The following ATP8A1 variants were observed in gnomAD, a reference collection of about 807,000 sequenced individuals.
ATP8A1 encodes the protein ATPase phospholipid transporting 8A1.
ATP8A1 carries 90 observed loss-of-function variants against 177.7 expected under a neutral mutation model. That is an observed-to-expected ratio of 0.51 (90% CI 0.43 to 0.60). The LOEUF is 0.60. ATP8A1 is among the 20% of genes least tolerant of loss of function. ATP8A1 has a pLI of 0.00. For missense variants in ATP8A1, 1,072 were observed against 1,392.8 expected (o/e 0.77, Z 3.67); for synonymous variants, 493 against 485.9 (o/e 1.01, Z -0.19).
chr4:42,610,541 A>G (rs1321091008), intron 5 of ATP8A1, among the ~76,000 whole-genome samples: 1 of 150,908 alleles, frequency 6.6e-6, no homozygotes, highest in African/African-American at 2.4e-5. Flanking sequence ...CACTTTAACC[A>G]TCTTCCCAAA....
intron 24 of ATP8A1, among the ~76,000 whole-genome samples, chr4:42,496,741 TAC>T (rs1178038157): frequency 5.9e-5 from 9 of 152,146 alleles, no homozygotes; most frequent in Admixed American, 5.2e-4. Context: ...TATAGATATA[TAC>T]ACACATATAC....
At chr4:42,517,456 A>G (rs1203451333) in intron 22 of ATP8A1, among the ~76,000 whole-genome samples, 6 of 152,210 alleles carry the variant, frequency 3.9e-5, no homozygotes. Context: ...AGACCACTGT[A>G]AATTCTCTCA....
intron 5 of ATP8A1, among the ~76,000 whole-genome samples, chr4:42,614,971 T>C (rs1736753384): frequency 6.6e-6 from 1 of 152,200 alleles, no homozygotes; most frequent in African/African-American, 2.4e-5. Flanking sequence ...GAAACTATGA[T>C]TTGCCACAAA....
At position 42,506,884 on chromosome 4, in the gene ATP8A1, G is replaced by A; in HGVS notation, c.2086+132C>T. 6 of 1,113,912 alleles carry A rather than the reference G, an allele frequency of 5.4e-6. No homozygotes were observed. The South Asian group carries it at 9.9e-5, about 18-fold the overall frequency. The allele number at this position is 1,113,912 out of a possible 1,614,324, so 69.0% of individuals were successfully genotyped here. ...GGATGGGAGGCAGAGATGCAATGGT[G>A]AAAAAAGATTGGAATATTCCAATCT... On this transcript the variant is annotated intron_variant, in intron 23 of 36. Transcript: ENST00000381668.
chr4:42,449,347 A>T (rs1408144192), intron 30 of ATP8A1, among the ~76,000 whole-genome samples: 1 of 152,240 alleles, frequency 6.6e-6, no homozygotes, highest in Non-Finnish European at 1.5e-5. Flanking sequence ...GTCTTCATGC[A>T]CATTCTTAAA....
At chr4:42,558,699 T>C (rs1730505478) in intron 15 of ATP8A1, among the ~76,000 whole-genome samples, 1 of 152,198 alleles carries the variant, frequency 6.6e-6, no homozygotes, top group Admixed American at 6.5e-5. Flanking sequence ...ATCCATACTT[T>C]TCACCTTGTA....
intron 1 of ATP8A1, chr4:42,637,129 C>T (rs560461682): frequency 1.9e-6 from 1 of 518,948 alleles, no homozygotes; most frequent in Non-Finnish European, 3.8e-6. Context: ...AAGCTAAGCC[C>T]TGTTCCCTGT....
chr4:42,640,072 G>T (rs1181995963), intron 1 of ATP8A1, among the ~76,000 whole-genome samples: 1 of 152,274 alleles, frequency 6.6e-6, no homozygotes, highest in Non-Finnish European at 1.5e-5. Context: ...GAAACTCAGG[G>T]ATAAGGAGGG....
intron 13 of ATP8A1, among the ~76,000 whole-genome samples, chr4:42,574,924 C>G (rs922992289): frequency 1.3e-5 from 2 of 152,202 alleles, no homozygotes; most frequent in Non-Finnish European, 2.9e-5. Context: ...TATCACCATA[C>G]TAGAAAACTA....
intron 20 of ATP8A1, among the ~76,000 whole-genome samples, chr4:42,531,879 G>A (rs1015463927): frequency 6.6e-6 from 1 of 152,116 alleles, no homozygotes; most frequent in Non-Finnish European, 1.5e-5. Flanking sequence ...AGCAGTTTGG[G>A]AGGCTGAGGT....
At chr4:42,526,059 T>C (rs1185677787) in intron 20 of ATP8A1, among the ~76,000 whole-genome samples, 1 of 152,140 alleles carries the variant, frequency 6.6e-6, no homozygotes, top group Non-Finnish European at 1.5e-5. Flanking sequence ...ATGATATTAA[T>C]ACATTCCATT....
Position 42,451,970 on chromosome 4 carries a change from C to T in ATP8A1, c.2896+11G>A, listed in dbSNP as rs374101673. On this transcript the variant is annotated intron_variant, in intron 30 of 36. Coordinates refer to ENST00000381668, the MANE Select transcript of ATP8A1 (RefSeq NM_006095.2). ...AAGTCATCTCTTTGCATTCATATCCCTTCTACTTACCATACTGAAGGGCTT... is the reference window on the plus strand; with the variant it reads ...AAGTCATCTCTTTGCATTCATATCCTTTCTACTTACCATACTGAAGGGCTT... The T allele has an allele frequency of 4.4e-6, 7 of 1,589,428 alleles. No individual in the cohort carries two copies. Among genetic ancestry groups the T allele is most frequent in the Non-Finnish European group, 5.2e-6 (6 of 1,159,368 alleles).
Position 42,485,508 on chromosome 4 carries a change from A to G in ATP8A1, c.2312T>C (p.Val771Ala). 1 of 1,610,430 alleles carries G rather than the reference A, an allele frequency of 6.2e-7. No homozygotes were observed. The highest frequency in any genetic ancestry group is 8.5e-7 in the Non-Finnish European group (1 of 1,178,598). Residue 771 changes from valine to alanine, a missense_variant, in exon 25 of 37, where the codon GTC becomes GCC. By Grantham distance (64) the Val-to-Ala change is moderately conservative (BLOSUM62 0). Transcript: ENST00000381668. Reference protein sequence around the residue: ...FLDLALSCKAVICCRVSPLQK... With the variant: ...FLDLALSCKAAICCRVSPLQK... ...AAGGAGAACTTACCGACAGCAAATG[A>G]CAGCTTTGCATGACAAAGCTAAGTC...
intron 6 of ATP8A1, among the ~76,000 whole-genome samples, chr4:42,592,098 A>G (rs530680708): frequency 6.6e-5 from 10 of 152,302 alleles, no homozygotes; most frequent in Admixed American, 1.3e-4. Context: ...AGGAAAAAAA[A>G]TACTGAAAGG....
At chr4:42,452,257 GT>G (rs986180331) in intron 29 of ATP8A1, among the ~76,000 whole-genome samples, 198 bp from the exon 30 acceptor site, 1 of 151,884 alleles carries the variant, frequency 6.6e-6, no homozygotes, top group African/African-American at 2.4e-5. Context: ...TTCTCAAAAT[GT>G]TTTTTCAGCT....
At chr4:42,613,577 T>C (rs1389013837) in intron 5 of ATP8A1, among the ~76,000 whole-genome samples, 10 of 151,274 alleles carry the variant, frequency 6.6e-5, no homozygotes. Flanking sequence ...TTTTTTTTTA[T>C]TGTTGCATTG....
At chr4:42,439,134 T>A (rs979579238) in intron 33 of ATP8A1, among the ~76,000 whole-genome samples, 2 of 152,188 alleles carry the variant, frequency 1.3e-5, no homozygotes, top group African/African-American at 2.4e-5. Flanking sequence ...TGAATTTGTA[T>A]AATTTGCACC....
At chr4:42,420,871 C>A (rs1452808328) in intron 35 of ATP8A1, among the ~76,000 whole-genome samples, 1 of 151,826 alleles carries the variant, frequency 6.6e-6, no homozygotes, top group Non-Finnish European at 1.5e-5. Context: ...AGGATTCACG[C>A]CATTCTCCTG....
At chr4:42,472,638 G>A (rs2153185617) in intron 25 of ATP8A1, among the ~76,000 whole-genome samples, 1 of 151,954 alleles carries the variant, frequency 6.6e-6, no homozygotes, top group South Asian at 2.1e-4. Context: ...CAGCTACTCG[G>A]GATGCTAAGC....
Sources: gnomAD v4.1 joint callset for allele counts (sites outside exome capture counted in the v4.1 genomes callset) on GRCh38, gnomAD v4.1.1 for gene constraint, MANE v1.5 for transcripts, NCBI Gene and HGNC (gene_info 2026-07-23, HGNC 2026-07-21) for gene names.